The following SCHIP1 variants were observed in gnomAD, a reference collection of about 807,000 sequenced individuals.
The protein encoded by SCHIP1 is schwannomin interacting protein 1, also known as schwannomin-interacting protein 1.
SCHIP1 carries 8 observed loss-of-function variants against 29.7 expected under a neutral mutation model. The observed-to-expected ratio is 0.27, with a 90% CI of 0.16 to 0.49. The LOEUF is 0.49. Ranked by LOEUF, SCHIP1 falls within the 20% of genes least tolerant of loss-of-function variation. The pLI is 0.99. For missense variants in SCHIP1, 193 were observed against 294.6 expected, an observed-to-expected ratio of 0.66 and a Z score of 2.52; for synonymous variants, 76 against 94.9, an observed-to-expected ratio of 0.80 and a Z score of 1.16.
At chr3:159,649,201 C>A in the SCHIP1 span, among the ~76,000 whole-genome samples, 2 of 152,066 alleles carry the variant, frequency 1.3e-5, no homozygotes, top group Non-Finnish European at 2.9e-5. Context: ...GATGTTTGGG[C>A]CCCTGTGTGC....
the SCHIP1 span, among the ~76,000 whole-genome samples, chr3:159,362,688 C>G: frequency 6.6e-6 from 1 of 152,140 alleles, no homozygotes; most frequent in African/African-American, 2.4e-5. Flanking sequence ...TCATAGAGTA[C>G]AGGCCAGGAT....
At chr3:159,445,624 A>G in the SCHIP1 span, among the ~76,000 whole-genome samples, 1 of 152,258 alleles carries the variant, frequency 6.6e-6, no homozygotes, top group African/African-American at 2.4e-5. Context: ...CTTGGAACCA[A>G]CCCAAATGTC....
chr3:159,384,751 G>A, the SCHIP1 span, among the ~76,000 whole-genome samples: 1 of 151,768 alleles, frequency 6.6e-6, no homozygotes, highest in Non-Finnish European at 1.5e-5. Flanking sequence ...GACTCTTTTT[G>A]GTTGGTAAGC....
chr3:159,487,938 A>G, the SCHIP1 span, among the ~76,000 whole-genome samples: 4 of 152,226 alleles, frequency 2.6e-5, no homozygotes, highest in African/African-American at 9.6e-5. Flanking sequence ...TCCATAACAC[A>G]TGATCTTAAA....
At chr3:159,881,732 T>C (rs1010802094) in intron 2 of SCHIP1, among the ~76,000 whole-genome samples, 4 of 152,210 alleles carry the variant, frequency 2.6e-5, no homozygotes, top group African/African-American at 9.6e-5. Context: ...GCCACAATGA[T>C]GATGCGTAAT....
chr3:159,547,467 T>C, the SCHIP1 span, among the ~76,000 whole-genome samples: 1 of 152,204 alleles, frequency 6.6e-6, no homozygotes. Flanking sequence ...GCTTTTGGTG[T>C]TTTAGTTATG....
the SCHIP1 span, among the ~76,000 whole-genome samples, chr3:159,359,453 A>G: frequency 9.3e-3 from 1,413 of 152,268 alleles, 23 homozygotes; most frequent in African/African-American, 0.033. Context: ...TATTTTAAAA[A>G]TGAAAATACT....
At chr3:159,692,191 G>A in the SCHIP1 span, among the ~76,000 whole-genome samples, 1 of 151,984 alleles carries the variant, frequency 6.6e-6, no homozygotes, top group Non-Finnish European at 1.5e-5. Flanking sequence ...TGAATCTGAT[G>A]ATTATGTGTC....
chr3:159,358,465 A>T, the SCHIP1 span, among the ~76,000 whole-genome samples: 1 of 152,128 alleles, frequency 6.6e-6, no homozygotes. Context: ...GAACTATAAC[A>T]CCATGGCCTC....
chr3:159,481,081 C>T, the SCHIP1 span, among the ~76,000 whole-genome samples: 2 of 152,076 alleles, frequency 1.3e-5, no homozygotes, highest in Admixed American at 6.6e-5. Flanking sequence ...AGGAACCGGC[C>T]ATTTTCACTT....
the SCHIP1 span, among the ~76,000 whole-genome samples, chr3:159,391,095 G>T: frequency 6.6e-6 from 1 of 152,174 alleles, no homozygotes; most frequent in Non-Finnish European, 1.5e-5. Context: ...TCAACATGAT[G>T]AATGTGGGGA....
chr3:159,416,542 C>T, the SCHIP1 span, among the ~76,000 whole-genome samples: 9 of 152,280 alleles, frequency 5.9e-5, no homozygotes, highest in South Asian at 1.2e-3. Context: ...GTTGTTCATA[C>T]TTTCTTGAAT....
the SCHIP1 span, among the ~76,000 whole-genome samples, chr3:159,626,122 ATAGATAGATAGATAGATATATC>A: frequency 1.6e-5 from 2 of 123,012 alleles, no homozygotes; most frequent in Non-Finnish European, 3.0e-5. Flanking sequence ...AGATAGATAG[ATAGATAGATAGATAGATATATC>A]TAGATATATA....
chr3:159,354,861 A>G, the SCHIP1 span, among the ~76,000 whole-genome samples: 22 of 152,184 alleles, frequency 1.4e-4, 1 homozygote, highest in African/African-American at 5.1e-4. Flanking sequence ...CTGTATTTTG[A>G]TTCTTCATGG....
chr3:159,408,728 A>G, the SCHIP1 span, among the ~76,000 whole-genome samples: 25 of 152,146 alleles, frequency 1.6e-4, no homozygotes, highest in Non-Finnish European at 3.5e-4. Context: ...ACTAACACCA[A>G]TCCTACTCGA....
chr3:159,511,290 G>A, the SCHIP1 span, among the ~76,000 whole-genome samples: 9 of 152,236 alleles, frequency 5.9e-5, no homozygotes, highest in Non-Finnish European at 1.5e-5. Flanking sequence ...TAGTCTCCTG[G>A]TGTGCTGTTT....
the SCHIP1 span, among the ~76,000 whole-genome samples, chr3:159,816,733 G>C: frequency 6.6e-6 from 1 of 152,122 alleles, no homozygotes; most frequent in Non-Finnish European, 1.5e-5. Context: ...CTGACCTCTG[G>C]TCTCATTTCT....
the SCHIP1 span, among the ~76,000 whole-genome samples, chr3:159,412,052 G>T: frequency 6.6e-5 from 10 of 152,144 alleles, no homozygotes; most frequent in Non-Finnish European, 1.3e-4. Context: ...TGTGCTAACT[G>T]CTTTGCATAT....
the SCHIP1 span, among the ~76,000 whole-genome samples, chr3:159,586,617 G>T: frequency 6.6e-6 from 1 of 152,076 alleles, no homozygotes; most frequent in African/African-American, 2.4e-5. Flanking sequence ...ATGCTATAAG[G>T]CTCAGCCTCC....
Sources: gnomAD v4.1 joint callset for allele counts (sites outside exome capture counted in the v4.1 genomes callset) on GRCh38, gnomAD v4.1.1 for gene constraint, MANE v1.5 for transcripts, NCBI Gene and HGNC (gene_info 2026-07-23, HGNC 2026-07-21) for gene names.